Variants in ACACA observed in about 807,000 individuals in gnomAD.
ACACA encodes acetyl-CoA carboxylase 1.
In ACACA, 103 loss-of-function variants were observed where a neutral mutation model predicts 296.1. The observed-to-expected ratio is 0.35, with a 90% CI of 0.30 to 0.41. ACACA has a LOEUF of 0.41. ACACA is among the 10% of genes least tolerant of loss of function. The pLI is 1.00. For synonymous variants in ACACA, 953 were observed against 1,038.6 expected (o/e 0.92, Z 1.58); for missense variants, 1,554 against 2,989.7 (o/e 0.52, Z 11.20).
chr17:37,097,778 A>G lies in ACACA; in HGVS notation c.6720+52T>C. On this transcript the variant is annotated intron_variant, in intron 53 of 55. Coordinates refer to ENST00000616317, the MANE Select transcript of ACACA (RefSeq NM_198834.3). This position sits in a 1 kb window ranked among gnomAD's most constrained non-coding sequence, Gnocchi z 4.8. The stretch of plus-strand genomic sequence containing the variant: ...ATGAGCCTGTGTGCAACACACACAC[A>G]CACTTGCCCACATGTGGGCCTCTGA... 6.2e-7 allele frequency: 1 copy of G among 1,607,402 alleles called. No homozygotes were observed. The highest frequency in any genetic ancestry group is 8.5e-7 in the Non-Finnish European group (1 of 1,174,548).
intron 2 of ACACA, among the ~76,000 whole-genome samples, chr17:37,335,481 C>A (rs533879268): frequency 6.6e-6 from 1 of 152,268 alleles, no homozygotes; most frequent in South Asian, 2.1e-4. Flanking sequence ...TATTTTTTGT[C>A]TGTGGTACCT....
At chr17:37,376,258 T>A (rs1486350057) in intron 1 of ACACA, 2 of 919,528 alleles carry the variant, frequency 2.2e-6, no homozygotes, top group East Asian at 4.9e-5. Flanking sequence ...CAGCAAGCAA[T>A]ACTTTCCAGA....
chr17:37,258,537 A>G (rs2081315459), intron 12 of ACACA, among the ~76,000 whole-genome samples, 164 bp from the exon 13 acceptor site: 1 of 152,218 alleles, frequency 6.6e-6, no homozygotes, highest in Admixed American at 6.5e-5. Context: ...TGCTTGAAAT[A>G]CAATATATCA....
At chr17:37,189,860 G>A (rs976611855) in intron 38 of ACACA, among the ~76,000 whole-genome samples, 3 of 151,972 alleles carry the variant, frequency 2.0e-5, no homozygotes, top group Non-Finnish European at 4.4e-5. Flanking sequence ...CTACTTCTCA[G>A]ATCTCAGATA....
chr17:37,384,629 G>A (rs976732868), intron 1 of ACACA, among the ~76,000 whole-genome samples: 2 of 150,648 alleles, frequency 1.3e-5, no homozygotes, highest in African/African-American at 4.9e-5. Context: ...TTTATCTAAT[G>A]TGACTTATAA....
At chr17:37,144,733 C>A (rs2143936813) in intron 45 of ACACA, among the ~76,000 whole-genome samples, 1 of 152,292 alleles carries the variant, frequency 6.6e-6, no homozygotes, top group East Asian at 1.9e-4. Context: ...CTAGTCATAC[C>A]CATCACATAA....
chr17:37,226,223 A>G (rs910483753), intron 26 of ACACA, 116 bp downstream of exon 26: 1 of 850,352 alleles, frequency 1.2e-6, no homozygotes, highest in African/African-American at 1.7e-5. Context: ...AACGTGACAC[A>G]TATATAGAAA....
At chr17:37,333,451 C>CTT (rs2047977324) in intron 2 of ACACA, among the ~76,000 whole-genome samples, 2 of 152,008 alleles carry the variant, frequency 1.3e-5, no homozygotes, top group Non-Finnish European at 2.9e-5. Context: ...TAGAAGGACA[C>CTT]CTAGTATGGG....
chr17:37,250,069 T>C (rs1386156604), intron 16 of ACACA, among the ~76,000 whole-genome samples: 1 of 152,260 alleles, frequency 6.6e-6, no homozygotes, highest in Non-Finnish European at 1.5e-5. Context: ...CCCAGCCATC[T>C]GGAACTGTGA....
chr17:37,282,065 T>C (rs1259075678), intron 5 of ACACA, among the ~76,000 whole-genome samples: 1 of 152,148 alleles, frequency 6.6e-6, no homozygotes, highest in African/African-American at 2.4e-5. Flanking sequence ...TCACCAAATA[T>C]CATATTGAAT....
At chr17:37,141,451 G>T (rs2075575246) in intron 45 of ACACA, 1 of 291,788 alleles carries the variant, frequency 3.4e-6, no homozygotes, top group Admixed American at 4.3e-5. Context: ...TTTGTAGAGG[G>T]GGTCTTGCTT....
rs148504028 is a variant in ACACA at position 37,246,850 on chromosome 17, G to A, written c.2436C>T (p.Ala812=). 1.2e-4 allele frequency: 198 copies of A among 1,613,908 alleles called. No individual in the cohort carries two copies. The highest frequency in any genetic ancestry group is 1.8e-4 in the East Asian group (8 of 44,884). Residue 812 remains alanine, a synonymous_variant, in exon 19 of 56, where the codon GCC becomes GCT. Transcript: ENST00000616317. ...CCTCAATCTCAGCATAGCACTGGCC[G>A]GCAAACACATGACCTCCATCTTCTA... The part of the protein sequence containing the change: ...YIVEDGGHVF[A]GQCYAEIEVM...
chr17:37,254,706 TG>T (rs2081147281), intron 14 of ACACA, among the ~76,000 whole-genome samples: 1 of 151,784 alleles, frequency 6.6e-6, no homozygotes, highest in South Asian at 2.1e-4. Flanking sequence ...TGAATGGGCC[TG>T]GCACAGTGGC....
chr17:37,200,509 A>G, intron 33 of ACACA, 26 bp from the exon 34 acceptor site: 1 of 1,587,446 alleles, frequency 6.3e-7, no homozygotes. Flanking sequence ...TGTAAAACAG[A>G]AGATAGATGA....
intron 39 of ACACA, among the ~76,000 whole-genome samples, chr17:37,187,288 C>G (rs1192772706): frequency 6.6e-6 from 1 of 152,176 alleles, no homozygotes; most frequent in Non-Finnish European, 1.5e-5. Flanking sequence ...CTTCAAAAGA[C>G]TGAAAAATAT....
chr17:37,124,709 G>A (rs1033591219), intron 48 of ACACA, among the ~76,000 whole-genome samples: 1 of 152,172 alleles, frequency 6.6e-6, no homozygotes, highest in African/African-American at 2.4e-5. Flanking sequence ...TAGGCTCTGG[G>A]ACATTCAGTC....
At chr17:37,193,102 T>A (rs1168866299) in intron 36 of ACACA, among the ~76,000 whole-genome samples, 3 of 152,210 alleles carry the variant, frequency 2.0e-5, no homozygotes, top group Non-Finnish European at 2.9e-5. Context: ...GGTCCTTTAA[T>A]ATCACATCAT....
chr17:37,260,331 G>T (rs1022630481), intron 11 of ACACA, among the ~76,000 whole-genome samples: 2 of 104,028 alleles, frequency 1.9e-5, no homozygotes, highest in African/African-American at 3.9e-5. Context: ...ATGGAGTCTC[G>T]CTTTGTCACC....
intron 3 of ACACA, among the ~76,000 whole-genome samples, chr17:37,311,286 G>T (rs565163833): frequency 6.6e-6 from 1 of 152,216 alleles, no homozygotes; most frequent in South Asian, 2.1e-4. Flanking sequence ...CTATAAAGAT[G>T]GAAGAAATCA....
Sources: allele counts gnomAD v4.1 joint callset (sites outside exome capture counted in the v4.1 genomes callset), GRCh38; gene constraint gnomAD v4.1.1; non-coding constraint Gnocchi (gnomAD v3.1); transcripts MANE v1.5; gene names NCBI Gene and HGNC (gene_info 2026-07-23, HGNC 2026-07-21).